Variants in PTPRF observed in about 807,000 individuals in gnomAD.
PTPRF encodes receptor-type tyrosine-protein phosphatase F.
A neutral mutation model predicts 201.8 loss-of-function variants in PTPRF; 59 were observed. That is an observed-to-expected ratio of 0.29 (90% CI 0.24 to 0.36). PTPRF has a LOEUF of 0.36. Ranked by LOEUF, PTPRF falls within the 10% of genes least tolerant of loss-of-function variation. PTPRF has a pLI of 1.00. For synonymous variants in PTPRF, 1,088 were observed against 1,089.7 expected, an observed-to-expected ratio of 1.00 and a Z score of 0.03; for missense variants, 2,132 against 2,690.5, an observed-to-expected ratio of 0.79 and a Z score of 4.59.
Position 43,591,377 on chromosome 1 carries a change from C to A in PTPRF, c.1355C>A (p.Thr452Asn). 1 of 1,557,002 alleles carries A rather than the reference C, an allele frequency of 6.4e-7. No individual in the cohort carries two copies. The highest frequency in any genetic ancestry group is 8.7e-7 in the Non-Finnish European group (1 of 1,151,856). ...GLVRGYRVYY[T>N]PDSRRPPNAW... ...GTGCGGGGATACCGCGTCTACTATA[C>A]TCCGGACTCCCGCCGCCCCCCGAAC... Residue 452 changes from threonine (T) to asparagine (N), a missense_variant, in exon 9 of 34, where the codon ACT becomes AAT. Physicochemically the swap from Thr to Asn is moderately conservative, Grantham distance 65 (BLOSUM62 0). Coordinates refer to ENST00000359947, the MANE Select transcript of PTPRF (RefSeq NM_002840.5).
In PTPRF at chr1:43,548,314, C is replaced by T. The variant is rs1484454637; in HGVS notation, c.91+3148C>T. Reference sequence around the variant, plus strand: ...AATCCTAGGAGCTCAGAGCAGGATGCGTGCTGGCTGGAGGGGTGGGTGGCG... The same window carrying T: ...AATCCTAGGAGCTCAGAGCAGGATGTGTGCTGGCTGGAGGGGTGGGTGGCG... On this transcript the variant is annotated intron_variant, in intron 3 of 33. Transcript: ENST00000359947. Among the ~76,000 whole-genome samples, 4 of 148,470 alleles carry T rather than the reference C, an allele frequency of 2.7e-5. No homozygotes were observed. The South Asian group carries it at 6.8e-4, about 25-fold the overall frequency.
rs1385246076 is a variant in PTPRF at position 43,545,141 on chromosome 1, T to A, written c.66T>A (p.Gly22=). Residue 22 remains glycine (G), a synonymous_variant, in exon 3 of 34, where the codon GGT becomes GGA. Transcript: ENST00000359947. ...TTGTGCCTGCACTGGTGATGCTTGG[T>A]TTGGTGGCAGGCGCCCATGGTGACA... ...VPLVPALVML[G]LVAGAHGDSK... 1 of 1,586,574 alleles carries A rather than the reference T, an allele frequency of 6.3e-7. No homozygotes were observed. The highest frequency in any genetic ancestry group is 8.6e-7 in the Non-Finnish European group (1 of 1,166,010).
chr1:43,607,498 C>T (rs1196970269), intron 21 of PTPRF, among the ~76,000 whole-genome samples: 2 of 152,242 alleles, frequency 1.3e-5, no homozygotes, highest in Non-Finnish European at 2.9e-5. Context: ...GTCTTTCCCA[C>T]TCAGTTCTCT....
At chr1:43,569,351 C>G (rs901862264) in intron 5 of PTPRF, among the ~76,000 whole-genome samples, 8 of 152,116 alleles carry the variant, frequency 5.3e-5, no homozygotes, top group Admixed American at 1.3e-4. Context: ...GGCGTTGCCT[C>G]TCAGACCTGG....
intron 7 of PTPRF, chr1:43,583,054 G>C: frequency 2.0e-6 from 2 of 984,634 alleles, no homozygotes; most frequent in Non-Finnish European, 2.4e-6. Flanking sequence ...ATCGCACTCT[G>C]CCATCAACCC....
chr1:43,594,109 C>T (rs1651600814), intron 11 of PTPRF, among the ~76,000 whole-genome samples: 1 of 152,198 alleles, frequency 6.6e-6, no homozygotes, highest in Admixed American at 6.5e-5. Flanking sequence ...AGCCCTGTAC[C>T]GTGCATGGGG....
At chr1:43,575,713 G>C (rs1646878662) in intron 6 of PTPRF, among the ~76,000 whole-genome samples, 1 of 151,804 alleles carries the variant, frequency 6.6e-6, no homozygotes, top group African/African-American at 2.4e-5. Flanking sequence ...CTGGGACACA[G>C]CTTCACTGAC....
chr1:43,617,307 A>G (rs975126834), intron 23 of PTPRF, 138 bp from the exon 24 acceptor site: 3 of 1,265,626 alleles, frequency 2.4e-6, no homozygotes, highest in African/African-American at 3.0e-5. Flanking sequence ...GGCTGGCACC[A>G]CGAGATAGAG....
chr1:43,540,331 A>G (rs1644282745), intron 2 of PTPRF, among the ~76,000 whole-genome samples: 1 of 152,048 alleles, frequency 6.6e-6, no homozygotes, highest in Non-Finnish European at 1.5e-5. Flanking sequence ...AAAATTGGGG[A>G]GGGTCAGTGG....
intron 2 of PTPRF, among the ~76,000 whole-genome samples, chr1:43,540,856 T>C (rs1234765278): frequency 6.6e-6 from 1 of 152,252 alleles, no homozygotes; most frequent in Non-Finnish European, 1.5e-5. Flanking sequence ...GAGACTATAA[T>C]TTATTCCCGT....
At chr1:43,523,311 A>C (rs760250038), upstream of PTPRF, among the ~76,000 whole-genome samples, 1 of 152,154 alleles carries the variant, frequency 6.6e-6, no homozygotes, top group South Asian at 2.1e-4. Flanking sequence ...GGTAAGAGTC[A>C]TAAAGGTGTG....
At chr1:43,555,384 CA>C (rs895065211) in intron 5 of PTPRF, among the ~76,000 whole-genome samples, 6 of 143,422 alleles carry the variant, frequency 4.2e-5, no homozygotes, top group Non-Finnish European at 7.6e-5. Flanking sequence ...TAAAAACAAA[CA>C]AAAAAAAATA....
At chr1:43,620,067 A>G in intron 29 of PTPRF, 28 bp from the exon 30 acceptor site, 1 of 1,613,064 alleles carries the variant, frequency 6.2e-7, no homozygotes, top group East Asian at 2.2e-5. Flanking sequence ...CAGCACCTCC[A>G]GCATGTCCAG....
chr1:43,573,083 C>T (rs1224437184), intron 6 of PTPRF, among the ~76,000 whole-genome samples: 1 of 152,140 alleles, frequency 6.6e-6, no homozygotes, highest in African/African-American at 2.4e-5. Flanking sequence ...ATGCGCTGCC[C>T]AGATGTGAGC....
At chr1:43,549,106 G>A (rs1029325022) in intron 3 of PTPRF, among the ~76,000 whole-genome samples, 1 of 152,244 alleles carries the variant, frequency 6.6e-6, no homozygotes, top group African/African-American at 2.4e-5. Context: ...CGACCACTGT[G>A]TGTGTCAGGG....
At chr1:43,584,049 T>C (rs995950537) in intron 7 of PTPRF, among the ~76,000 whole-genome samples, 1 of 152,198 alleles carries the variant, frequency 6.6e-6, no homozygotes, top group Non-Finnish European at 1.5e-5. Context: ...CTGGAGACTG[T>C]CCTTGAGCCC....
At chr1:43,612,413 A>G (rs1557854661) in intron 22 of PTPRF, among the ~76,000 whole-genome samples, 2 of 152,140 alleles carry the variant, frequency 1.3e-5, no homozygotes, top group Non-Finnish European at 2.9e-5. Context: ...TCCAACGTGG[A>G]AATCATCTGA....
In PTPRF at chr1:43,614,309, G is replaced by A. The variant is rs146389184; in HGVS notation, c.4071+594G>A. On this transcript the variant is annotated intron_variant, in intron 23 of 33. Transcript: ENST00000359947. ...GTGCTCTGCACATGCATGTGCTCAC[G>A]TGTGTACTCCGATGCCACAGCTCAC... Among the ~76,000 whole-genome samples the A allele has an allele frequency of 3.1e-3, 466 of 152,350 alleles. 2 individuals are homozygous for A. Among genetic ancestry groups the A allele is most frequent in the African/African-American group, 0.01 (436 of 41,582 alleles).
At chr1:43,529,350 C>T (rs1451905275), upstream of PTPRF, among the ~76,000 whole-genome samples, 2 of 152,202 alleles carry the variant, frequency 1.3e-5, no homozygotes, top group Admixed American at 1.3e-4. Context: ...CAAAAACAGG[C>T]AGTGAATCAG....
Sources: gnomAD v4.1 joint callset for allele counts (sites outside exome capture counted in the v4.1 genomes callset) on GRCh38, gnomAD v4.1.1 for gene constraint, MANE v1.5 for transcripts, NCBI Gene and HGNC (gene_info 2026-07-23, HGNC 2026-07-21) for gene names.